Variants in CABIN1 observed in about 807,000 individuals in gnomAD.
CABIN1 encodes the protein calcineurin-binding protein cabin-1.
Under a neutral mutation model 227.7 loss-of-function variants are expected in CABIN1, and 133 were observed. The ratio of observed to expected loss-of-function variants is 0.58; its 90% CI spans 0.51 to 0.67. The LOEUF (loss-of-function observed/expected upper bound fraction) is 0.67. CABIN1 is among the 30% of genes least tolerant of loss of function. The pLI is 0.00. For synonymous variants in CABIN1, 1,086 were observed against 1,155.1 expected, an observed-to-expected ratio of 0.94 and a Z score of 1.21; for missense variants, 2,408 against 2,852.5, an observed-to-expected ratio of 0.84 and a Z score of 3.55.
At chr22:24,042,300 A>G (rs1328033718) in intron 5 of CABIN1, among the ~76,000 whole-genome samples, 1 of 152,200 alleles carries the variant, frequency 6.6e-6, no homozygotes, top group Non-Finnish European at 1.5e-5. Context: ...TATGTAAGGA[A>G]TACAGATATT....
intron 29 of CABIN1, among the ~76,000 whole-genome samples, chr22:24,137,452 T>C (rs2044491066): frequency 6.6e-6 from 1 of 152,224 alleles, no homozygotes; most frequent in Non-Finnish European, 1.5e-5. Context: ...GAGGGAAGGC[T>C]GGTACAGCCT....
chr22:24,134,169 G>C, intron 28 of CABIN1, 133 bp from the exon 29 acceptor site: 1 of 695,582 alleles, frequency 1.4e-6, no homozygotes, highest in Non-Finnish European at 2.6e-6. Context: ...TGGAGCTGTG[G>C]AATCGATGTC....
At chr22:24,038,992 A>T (rs961224131) in intron 4 of CABIN1, among the ~76,000 whole-genome samples, 1 of 152,160 alleles carries the variant, frequency 6.6e-6, no homozygotes, top group African/African-American at 2.4e-5. Context: ...TACAGTAGAG[A>T]GGGGCAGGCA....
chr22:24,167,235 G>A lies in CABIN1; in HGVS notation c.5604G>A (p.Gln1868=). The A allele has an allele frequency of 2.5e-6, 4 of 1,613,362 alleles. 1 individual carries two copies. The highest frequency in any genetic ancestry group is 3.3e-4 in the Middle Eastern group (2 of 6,060). The change falls in exon 32 of 37, where the codon CAG becomes CAA. Residue 1868 remains glutamine, a synonymous_variant. Transcript: ENST00000263119. ...TLLLDAYRVW[Q]QGQKGVAYDL... Reference sequence around the variant, plus strand: ...TGTTGGATGCCTACCGTGTGTGGCAGCAGGGCCAGAAGGGTGTGGCCTATG... The same window carrying A: ...TGTTGGATGCCTACCGTGTGTGGCAACAGGGCCAGAAGGGTGTGGCCTATG...
At chr22:24,024,320 A>G (rs1172023446) in intron 1 of CABIN1, among the ~76,000 whole-genome samples, 1 of 151,914 alleles carries the variant, frequency 6.6e-6, no homozygotes, top group Non-Finnish European at 1.5e-5. Context: ...TAATTTATCT[A>G]TTTTTCCTTT....
At chr22:24,086,332 C>G (rs1162703740) in intron 22 of CABIN1, among the ~76,000 whole-genome samples, 1 of 152,252 alleles carries the variant, frequency 6.6e-6, no homozygotes, top group African/African-American at 2.4e-5. Context: ...CTGACAGCCC[C>G]TTATTCAACA....
chr22:24,110,235 A>C (rs142378492), intron 26 of CABIN1, among the ~76,000 whole-genome samples: 45 of 152,338 alleles, frequency 3.0e-4, no homozygotes, highest in African/African-American at 1.0e-3. Flanking sequence ...TTTTTTTAAA[A>C]AAATGTAGTT....
chr22:24,012,147 A>G (rs1471604983), intron 1 of CABIN1, among the ~76,000 whole-genome samples: 1 of 152,372 alleles, frequency 6.6e-6, no homozygotes, highest in African/African-American at 2.4e-5. Flanking sequence ...AATAGTATTC[A>G]TAATAGTAGT....
intron 17 of CABIN1, 97 bp from the exon 18 acceptor site, chr22:24,072,257 A>C: frequency 7.5e-7 from 1 of 1,325,488 alleles, no homozygotes; most frequent in East Asian, 2.4e-5. Flanking sequence ...CAGGCAGCAC[A>C]TACCAGCTCC....
chr22:24,151,426 T>C (rs1368282494), intron 29 of CABIN1, among the ~76,000 whole-genome samples: 1 of 152,188 alleles, frequency 6.6e-6, no homozygotes, highest in Non-Finnish European at 1.5e-5. Flanking sequence ...AAGCCATTTT[T>C]TAGGGACCAG....
intron 29 of CABIN1, among the ~76,000 whole-genome samples, chr22:24,141,032 C>T (rs980460202): frequency 1.6e-4 from 24 of 152,240 alleles, no homozygotes; most frequent in South Asian, 2.1e-4. Context: ...TATCATCACA[C>T]ACTTGGCATG....
intron 1 of CABIN1, among the ~76,000 whole-genome samples, chr22:24,027,146 ATTC>A (rs1372151954): frequency 6.6e-6 from 1 of 152,176 alleles, no homozygotes; most frequent in Admixed American, 6.5e-5. Context: ...TGTAAATGAT[ATTC>A]TTTTTTTCAA....
intron 10 of CABIN1, 84 bp from the exon 11 acceptor site, chr22:24,059,143 A>T: frequency 1.3e-6 from 2 of 1,573,982 alleles, no homozygotes; most frequent in South Asian, 2.2e-5. Flanking sequence ...CCTGACTCAG[A>T]TTTAGTTTCT....
At chr22:24,125,523 C>T (rs2043667851) in intron 28 of CABIN1, among the ~76,000 whole-genome samples, 1 of 152,156 alleles carries the variant, frequency 6.6e-6, no homozygotes, top group Non-Finnish European at 1.5e-5. Flanking sequence ...CTGTTGAGAC[C>T]CTGCTTTTTG....
chr22:24,170,263 A>T (rs1032149934), intron 33 of CABIN1: 6 of 403,638 alleles, frequency 1.5e-5, no homozygotes, highest in African/African-American at 1.0e-4. Flanking sequence ...TCCTCCCTTA[A>T]GCCCAATCTT....
chr22:24,092,458 A>G (rs1423307004), intron 24 of CABIN1, among the ~76,000 whole-genome samples: 1 of 152,086 alleles, frequency 6.6e-6, no homozygotes, highest in Non-Finnish European at 1.5e-5. Context: ...ACGATTGTCA[A>G]TTTTGTAGGC....
chr22:24,158,900 CTT>C (rs2045990282), intron 29 of CABIN1, among the ~76,000 whole-genome samples: 1 of 152,164 alleles, frequency 6.6e-6, no homozygotes, highest in South Asian at 2.1e-4. Context: ...GGACAAGACA[CTT>C]TTCCAGCCCT....
At chr22:24,067,268 C>A in intron 16 of CABIN1, 87 bp downstream of exon 16, 1 of 1,354,686 alleles carries the variant, frequency 7.4e-7, no homozygotes, top group South Asian at 1.2e-5. Context: ...TGCGGTAGTT[C>A]TTAAGAATGT....
rs752450455 is a variant in CABIN1 at position 24,042,896 on chromosome 22, G to A, written c.346-8G>A. 1.0e-4 allele frequency: 137 copies of A among 1,337,732 alleles called. 1 individual carries two copies. In the Middle Eastern group the frequency reaches 5.4e-3, roughly 53 times the overall value. The allele number at this position is 1,337,732 out of a possible 1,614,324, so 82.9% of individuals were successfully genotyped here. On this transcript the variant is annotated splice_region_variant and splice_polypyrimidine_tract_variant and intron_variant, in intron 5 of 36. Transcript: ENST00000263119. The stretch of plus-strand genomic sequence containing the variant: ...TGTGTGTTTGCCCTCTGCTTGTGTC[G>A]CTTCCAGGCAGTGATGCTGGACTCC...
Sources: allele counts gnomAD v4.1 joint callset (sites outside exome capture counted in the v4.1 genomes callset), GRCh38; gene constraint gnomAD v4.1.1; transcripts MANE v1.5; gene names NCBI Gene and HGNC (gene_info 2026-07-23, HGNC 2026-07-21).